The following UBL3 variants were observed in gnomAD, a reference collection of about 807,000 sequenced individuals.
UBL3 encodes the protein ubiquitin like 3.
A neutral mutation model predicts 18.4 loss-of-function variants in UBL3; 6 were observed. The observed-to-expected ratio is 0.33, with a 90% CI of 0.18 to 0.64. The LOEUF is 0.64. Ranked by LOEUF, UBL3 falls within the 30% of genes least tolerant of loss-of-function variation. The pLI is 0.76. For synonymous variants in UBL3, 49 were observed against 46.6 expected, an observed-to-expected ratio of 1.05 and a Z score of -0.21; for missense variants, 109 against 142.9, an observed-to-expected ratio of 0.76 and a Z score of 1.21.
intron 1 of UBL3, among the ~76,000 whole-genome samples, chr13:29,786,799 G>A (rs1431987399): frequency 6.6e-6 from 1 of 152,116 alleles, no homozygotes; most frequent in Non-Finnish European, 1.5e-5. Context: ...TTTATTAAAT[G>A]TTAATATCAA....
chr13:29,795,755 GAAA>G (rs57782695), intron 1 of UBL3, among the ~76,000 whole-genome samples: 4 of 66,188 alleles, frequency 6.0e-5, no homozygotes, highest in Non-Finnish European at 8.3e-5. Flanking sequence ...CCTCATCTCA[GAAA>G]AAAAAAAAAA....
intron 3 of UBL3, among the ~76,000 whole-genome samples, chr13:29,768,839 C>T (rs1291371218): frequency 6.6e-6 from 1 of 152,028 alleles, no homozygotes; most frequent in Non-Finnish European, 1.5e-5. Context: ...TTAAAATTTT[C>T]ACTAAATAGT....
rs150406502 is a variant in UBL3, at chr13:29,784,307, T to C, written c.28-7044A>G. The stretch of plus-strand genomic sequence containing the variant: ...AAAATATAATTACAGAGATGGACCA[T>C]GCCCTTTAAAAAGGCTGTTTTCTAC... On this transcript the variant is annotated intron_variant, in intron 1 of 4. Coordinates refer to ENST00000380680, the MANE Select transcript of UBL3 (RefSeq NM_007106.4). Among the ~76,000 whole-genome samples, 767 of 152,302 alleles carry C rather than the reference T, an allele frequency of 5.0e-3. 8 individuals carry two copies. The highest frequency in any genetic ancestry group is 0.016 in the African/African-American group (669 of 41,580).
chr13:29,821,440 G>C lies in UBL3; in HGVS notation c.27+28072C>G, dbSNP rs1322079557. ...AGTAATCACAACTCTTGGGTAACTA[G>C]TCAAATTGCTCAGGAAGCCAGATGT... On this transcript the variant is annotated intron_variant, in intron 1 of 4. Transcript: ENST00000380680. Among the ~76,000 whole-genome samples, 3 of 152,132 alleles carry C rather than the reference G, an allele frequency of 2.0e-5. No homozygotes were observed. In the East Asian group the frequency reaches 5.8e-4, roughly 29 times the overall value.
chr13:29,849,081 C>A lies in UBL3; in HGVS notation c.27+431G>T, dbSNP rs1014405620. 3.9e-5 allele frequency among the ~76,000 whole-genome samples: 6 copies of A among 152,226 alleles called. No homozygotes were observed. The East Asian group carries it at 1.2e-3, about 29-fold the overall frequency. ...CCCTGTTCTTGAAAAATATCAAGTT[C>A]GTCCCTACTGCAATGACGATCTCGT... On this transcript the variant is annotated intron_variant, in intron 1 of 4. Transcript: ENST00000380680.
intron 1 of UBL3, among the ~76,000 whole-genome samples, chr13:29,801,470 T>C (rs1877763491): frequency 6.6e-6 from 1 of 152,054 alleles, no homozygotes. Flanking sequence ...CTCAGCTTCT[T>C]CTCATTATGA....
intron 1 of UBL3, among the ~76,000 whole-genome samples, chr13:29,820,685 T>C (rs1055970716): frequency 1.6e-4 from 25 of 152,240 alleles, no homozygotes; most frequent in Non-Finnish European, 2.9e-4. Flanking sequence ...GAATTAACTA[T>C]AGACATTGCT....
At chr13:29,786,216 A>G (rs1422350615) in intron 1 of UBL3, among the ~76,000 whole-genome samples, 2 of 152,160 alleles carry the variant, frequency 1.3e-5, no homozygotes, top group African/African-American at 2.4e-5. Flanking sequence ...ACTCTGTACC[A>G]TGGTCCCTAT....
intron 1 of UBL3, among the ~76,000 whole-genome samples, chr13:29,780,578 T>C (rs767878595): frequency 6.6e-6 from 1 of 151,766 alleles, no homozygotes; most frequent in African/African-American, 2.4e-5. Flanking sequence ...ATCTTGTTTA[T>C]TCAAGTTTCG....
intron 1 of UBL3, among the ~76,000 whole-genome samples, chr13:29,797,417 TG>T (rs1383683250): frequency 3.9e-5 from 6 of 152,224 alleles, no homozygotes; most frequent in African/African-American, 1.4e-4. Context: ...TGTGGTTCTC[TG>T]GTGAATCCCC....
chr13:29,834,933 C>G (rs1878878327), intron 1 of UBL3, among the ~76,000 whole-genome samples: 1 of 150,944 alleles, frequency 6.6e-6, no homozygotes, highest in Admixed American at 6.6e-5. Context: ...TGAGAGTTTT[C>G]CGATGGATTA....
intron 1 of UBL3, among the ~76,000 whole-genome samples, chr13:29,788,917 G>A (rs147433657): frequency 6.8e-6 from 1 of 147,386 alleles, no homozygotes; most frequent in Non-Finnish European, 1.5e-5. Flanking sequence ...GTGTGTGTTT[G>A]AGACGGAGTT....
chr13:29,849,914 C>T lies in UBL3; in HGVS notation c.-376G>A. 2.7e-6 allele frequency: 1 copy of T among 376,602 alleles called. No homozygotes were observed. Among genetic ancestry groups the T allele is most frequent in the South Asian group, 2.5e-5 (1 of 39,726 alleles). 23.3% of individuals were successfully genotyped at this position (376,602 alleles called of 1,614,324 possible). On this transcript the variant is annotated 5_prime_UTR_variant, in exon 1 of 5. Coordinates refer to ENST00000380680, the MANE Select transcript of UBL3 (RefSeq NM_007106.4). ...AAATGCGCCTTCCTCCTTTCCCAGC[C>T]CCGGCAATGATTCACACTTGCTCCC... is the stretch of plus-strand genomic sequence containing the variant.
intron 1 of UBL3, among the ~76,000 whole-genome samples, chr13:29,835,161 T>TATATATATATATATAA (rs1878925034): frequency 1.8e-5 from 1 of 54,304 alleles, no homozygotes; most frequent in Non-Finnish European, 3.3e-5. Flanking sequence ...TATATATATA[T>TATATATATATATATAA]ATATATATAT....
At chr13:29,831,418 C>T (rs1195984700) in intron 1 of UBL3, among the ~76,000 whole-genome samples, 2 of 151,816 alleles carry the variant, frequency 1.3e-5, no homozygotes, top group East Asian at 3.9e-4. Flanking sequence ...GGAGAAAACC[C>T]GTCTCTACTA....
chr13:29,798,670 T>C (rs1055385885), intron 1 of UBL3, among the ~76,000 whole-genome samples: 7 of 152,184 alleles, frequency 4.6e-5, no homozygotes, highest in African/African-American at 1.7e-4. Flanking sequence ...TTAGAAAATA[T>C]GTGGAAAACA....
chr13:29,783,222 T>G (rs1331822164), intron 1 of UBL3, among the ~76,000 whole-genome samples: 1 of 152,240 alleles, frequency 6.6e-6, no homozygotes, highest in Non-Finnish European at 1.5e-5. Context: ...GTCAGCAACA[T>G]GCCAGAGTTA....
At position 29,802,918 on chromosome 13, in the gene UBL3, A is replaced by G. The variant is rs188055389; in HGVS notation, c.28-25655T>C. 3.3e-4 allele frequency among the ~76,000 whole-genome samples: 50 copies of G among 152,352 alleles called. No homozygotes were observed. In the East Asian group the frequency reaches 8.5e-3, roughly 26 times the overall value. On this transcript the variant is annotated intron_variant, in intron 1 of 4. Coordinates refer to ENST00000380680, the MANE Select transcript of UBL3 (RefSeq NM_007106.4). ...CCATGAAAATTTCCCCAACTTCACT[A>G]AAGAGGCCAACATTCAAATTCAGGA...
intron 1 of UBL3, among the ~76,000 whole-genome samples, chr13:29,806,398 C>T (rs1429320584): frequency 3.9e-5 from 6 of 152,022 alleles, no homozygotes; most frequent in African/African-American, 1.5e-4. Flanking sequence ...TATCTAATGC[C>T]GGCCTGGAAA....
Sources: allele counts gnomAD v4.1 joint callset (sites outside exome capture counted in the v4.1 genomes callset), GRCh38; gene constraint gnomAD v4.1.1; transcripts MANE v1.5; gene names NCBI Gene and HGNC (gene_info 2026-07-23, HGNC 2026-07-21).